The following GRIK3 variants were observed in gnomAD, a reference collection of about 807,000 sequenced individuals.
GRIK3 encodes the protein glutamate receptor ionotropic, kainate 3.
GRIK3 carries 29 observed loss-of-function variants against 102.5 expected under a neutral mutation model. The observed-to-expected ratio is 0.28, with a 90% CI of 0.21 to 0.39. The LOEUF (loss-of-function observed/expected upper bound fraction) is 0.39. Among genes scored for constraint, GRIK3 ranks in the 10% least tolerant of loss-of-function variants. The pLI, the probability that GRIK3 is intolerant of heterozygous loss-of-function variation, is 1.00. For synonymous variants in GRIK3, 511 were observed against 504.9 expected (o/e 1.01, Z -0.16); for missense variants, 908 against 1,252.4 (o/e 0.73, Z 4.15).
intron 1 of GRIK3, among the ~76,000 whole-genome samples, chr1:36,915,290 C>A (rs1641386363): frequency 6.6e-6 from 1 of 152,182 alleles, no homozygotes; most frequent in South Asian, 2.1e-4. Context: ...CACCTCTTCT[C>A]CCCACCCTCA....
intron 1 of GRIK3, among the ~76,000 whole-genome samples, chr1:37,009,595 GGT>G (rs1306419664): frequency 6.6e-6 from 1 of 152,170 alleles, no homozygotes; most frequent in Middle Eastern, 3.2e-3. Flanking sequence ...TGGCTGGAGG[GGT>G]GTGTGTGTAT....
At chr1:36,816,220 C>A (rs962775925) in intron 13 of GRIK3, among the ~76,000 whole-genome samples, 1 of 152,146 alleles carries the variant, frequency 6.6e-6, no homozygotes, top group Admixed American at 6.5e-5. Flanking sequence ...AGTTTCCACA[C>A]GTGTAAAGTA....
At chr1:36,996,898 C>T (rs1056082289) in intron 1 of GRIK3, among the ~76,000 whole-genome samples, 10 of 152,168 alleles carry the variant, frequency 6.6e-5, no homozygotes, top group Admixed American at 3.3e-4. Context: ...TTGGCCATGA[C>T]GGAAGACATT....
At chr1:36,967,601 A>G (rs950599000) in intron 1 of GRIK3, among the ~76,000 whole-genome samples, 3 of 152,202 alleles carry the variant, frequency 2.0e-5, no homozygotes, top group Admixed American at 6.5e-5. Flanking sequence ...CAGGTAGGAA[A>G]TCCAGCTTGA....
chr1:36,998,979 A>AGT (rs768062478), intron 1 of GRIK3, among the ~76,000 whole-genome samples: 8,177 of 128,210 alleles, frequency 0.064, 339 homozygotes, highest in African/African-American at 0.14. Context: ...GAACTTTGGA[A>AGT]GTGTGTGTGT....
intron 1 of GRIK3, among the ~76,000 whole-genome samples, chr1:37,005,941 T>C (rs1365732491): frequency 6.6e-6 from 1 of 152,076 alleles, no homozygotes; most frequent in African/African-American, 2.4e-5. Flanking sequence ...TGGGGAGCCC[T>C]TGAGGGTTTC....
intron 2 of GRIK3, among the ~76,000 whole-genome samples, chr1:36,889,584 C>G (rs1641079592): frequency 6.6e-6 from 1 of 152,010 alleles, no homozygotes; most frequent in Admixed American, 6.6e-5. Flanking sequence ...CTTGGAAGCC[C>G]AGGGCTAGAT....
At chr1:36,809,128 T>A (rs2124180867) in intron 13 of GRIK3, among the ~76,000 whole-genome samples, 1 of 152,036 alleles carries the variant, frequency 6.6e-6, no homozygotes, top group African/African-American at 2.4e-5. Context: ...GCCCATCTAA[T>A]CTATCCTTCC....
In GRIK3 at chr1:36,797,478, A is replaced by T. The variant is rs1332559021; in HGVS notation, c.*4373T>A. On this transcript the variant is annotated 3_prime_UTR_variant, in exon 16 of 16. Coordinates refer to ENST00000373091, the MANE Select transcript of GRIK3 (RefSeq NM_000831.4). Reference sequence around the variant, plus strand: ...TGGGGACAGAGGGCACGGCCCTTCCATGGCAGCCAGCAGCCGGGCCACTTC... The same window carrying T: ...TGGGGACAGAGGGCACGGCCCTTCCTTGGCAGCCAGCAGCCGGGCCACTTC... The T allele has an allele frequency of 3.9e-5, 6 of 152,130 alleles. No individual in the cohort carries two copies. Among genetic ancestry groups the T allele is most frequent in the African/African-American group, 1.4e-4 (6 of 41,414 alleles). 9.4% of individuals were successfully genotyped at this position (152,130 alleles called of 1,614,324 possible). A position where few individuals can be genotyped will look rare whatever the true frequency, so the allele number is the denominator to read the frequency against.
At chr1:37,026,875 C>T (rs567301608) in intron 1 of GRIK3, among the ~76,000 whole-genome samples, 41 of 151,736 alleles carry the variant, frequency 2.7e-4, no homozygotes, top group Non-Finnish European at 4.9e-4. Context: ...ATGTGAGACA[C>T]GAGCTGATGT....
intron 13 of GRIK3, among the ~76,000 whole-genome samples, chr1:36,808,235 C>T (rs1050793592): frequency 5.3e-5 from 8 of 152,162 alleles, no homozygotes; most frequent in Non-Finnish European, 1.5e-5. Flanking sequence ...CCCTCTGTTC[C>T]TTTCTTACTC....
chr1:36,893,619 G>A (rs925805261), intron 1 of GRIK3, among the ~76,000 whole-genome samples: 1 of 152,170 alleles, frequency 6.6e-6, no homozygotes, highest in Non-Finnish European at 1.5e-5. Context: ...TACCCAGCCT[G>A]TTGAGATGGA....
At chr1:36,805,397 A>G (rs1002803729) in intron 14 of GRIK3, among the ~76,000 whole-genome samples, 160 bp from the exon 15 acceptor site, 4 of 152,182 alleles carry the variant, frequency 2.6e-5, no homozygotes, top group African/African-American at 9.6e-5. Flanking sequence ...GACGCATGGT[A>G]TCTGGGTGAG....
intron 1 of GRIK3, among the ~76,000 whole-genome samples, chr1:36,991,449 C>T (rs1642362393): frequency 6.6e-6 from 1 of 152,204 alleles, no homozygotes; most frequent in Admixed American, 6.5e-5. Flanking sequence ...GGGCTCAAGC[C>T]TCAGCCCAGC....
chr1:36,811,373 T>C (rs1250641348), intron 13 of GRIK3, among the ~76,000 whole-genome samples: 2 of 152,166 alleles, frequency 1.3e-5, no homozygotes, highest in Non-Finnish European at 2.9e-5. Flanking sequence ...AAACTGGAGA[T>C]AAACATTGCC....
Position 36,817,155 on chromosome 1 carries a change from T to C in GRIK3, c.1996A>G (p.Met666Val). 6.2e-7 allele frequency: 1 copy of C among 1,614,078 alleles called. No individual in the cohort carries two copies. Residue 666 changes from methionine (M) to valine (V), a missense_variant, in exon 13 of 16, where the codon ATG (methionine) becomes GTG (valine). By Grantham distance (21) the Met-to-Val change is conservative. Coordinates refer to ENST00000373091, the MANE Select transcript of GRIK3 (RefSeq NM_000831.4). Reference sequence around the variant, plus strand: ...TCAGCAGAGTCAATGGGTGATTCCATGCGCTCCACGGTCAGAAAGGCAGCC... The same window carrying C: ...TCAGCAGAGTCAATGGGTGATTCCACGCGCTCCACGGTCAGAAAGGCAGCC... ...NLAAFLTVER[M>V]ESPIDSADDL... is the part of the protein sequence containing the mutation.
chr1:36,972,978 A>G lies in GRIK3; in HGVS notation c.115+61016T>C, dbSNP rs145565920. Among the ~76,000 whole-genome samples, 57 of 152,290 alleles carry G rather than the reference A, an allele frequency of 3.7e-4. 1 individual carries two copies. In the East Asian group the frequency reaches 0.01, roughly 28 times the overall value. On this transcript the variant is annotated intron_variant, in intron 1 of 15. Transcript: ENST00000373091. ...AGTTCTGAGCTTGTACTAGGTGCCC[A>G]CTGGCCTTGAAAGTACAAAGACCTG...
intron 1 of GRIK3, among the ~76,000 whole-genome samples, chr1:36,917,659 C>G (rs902068697): frequency 6.6e-6 from 1 of 152,258 alleles, no homozygotes; most frequent in Non-Finnish European, 1.5e-5. Context: ...TGCCTTTCAA[C>G]TTCTGCCATG....
At chr1:37,016,359 T>C (rs768264280) in intron 1 of GRIK3, among the ~76,000 whole-genome samples, 20 of 152,192 alleles carry the variant, frequency 1.3e-4, no homozygotes, top group Non-Finnish European at 1.9e-4. Flanking sequence ...AAAGTGGGAA[T>C]GATTAGACTC....
Sources: gnomAD v4.1 joint callset for allele counts (sites outside exome capture counted in the v4.1 genomes callset) on GRCh38, gnomAD v4.1.1 for gene constraint, MANE v1.5 for transcripts, NCBI Gene and HGNC (gene_info 2026-07-23, HGNC 2026-07-21) for gene names.